MTMR12: variants seen among roughly 807,000 people sequenced by gnomAD.
MTMR12 encodes the protein myotubularin-related protein 12.
MTMR12 carries 33 observed loss-of-function variants against 96.7 expected under a neutral mutation model. The ratio of observed to expected loss-of-function variants is 0.34; its 90% CI spans 0.26 to 0.46. The LOEUF (loss-of-function observed/expected upper bound fraction) is 0.46, where lower values mean the gene tolerates loss of function less well. Among genes scored for constraint, MTMR12 ranks in the 20% least tolerant of loss-of-function variants. The pLI, the probability that MTMR12 is intolerant of heterozygous loss-of-function variation, is 1.00. For missense variants in MTMR12, 721 were observed against 896.1 expected (o/e 0.80, Z 2.49); for synonymous variants, 298 against 327.2 (o/e 0.91, Z 0.96).
Position 32,251,274 on chromosome 5 carries a change from G to A in MTMR12, c.790-2396C>T, listed in dbSNP as rs141357025. On this transcript the variant is annotated intron_variant, in intron 8 of 15. Coordinates refer to ENST00000382142, the MANE Select transcript of MTMR12 (RefSeq NM_001040446.3). ...GTTTCACCGTTTTACCTCGTGATCC[G>A]CCCGCCTCGGCCTCCCAAAGTGCTG... Among the ~76,000 whole-genome samples the A allele has an allele frequency of 4.4e-3, 669 of 151,896 alleles. 8 individuals carry two copies. Among genetic ancestry groups the A allele is most frequent in the African/African-American group, 0.015 (639 of 41,440 alleles).
chr5:32,260,736 G>C (rs1394401048), intron 7 of MTMR12, among the ~76,000 whole-genome samples: 1 of 148,724 alleles, frequency 6.7e-6, no homozygotes, highest in Non-Finnish European at 1.5e-5. Context: ...GGGCGGGGGG[G>C]AGGGGGACCA....
intron 1 of MTMR12, among the ~76,000 whole-genome samples, chr5:32,279,076 C>CAAAAAAAAAAAAAAAAAAAAAAA (rs35999870): frequency 4.0e-5 from 2 of 50,518 alleles, no homozygotes; most frequent in Non-Finnish European, 7.6e-5. Flanking sequence ...AACTCTGTCT[C>CAAAAAAAAAAAAAAAAAAAAAAA]AAAAAAAAAA....
At chr5:32,237,749 A>C (rs945363519) in intron 13 of MTMR12, among the ~76,000 whole-genome samples, 1 of 151,230 alleles carries the variant, frequency 6.6e-6, no homozygotes, top group South Asian at 2.1e-4. Context: ...TGACCTTGTG[A>C]CCCACCTGCC....
rs192086948 is a variant in MTMR12 at position 32,228,980 on chromosome 5, A to C, written c.*798T>G. ...ACGCTCCTCAGGAAGGATCTCAGGCAAAGAAACAGATCCCCGCAGCGTAAC... is the reference window on the plus strand; with the variant it reads ...ACGCTCCTCAGGAAGGATCTCAGGCCAAGAAACAGATCCCCGCAGCGTAAC... On this transcript the variant is annotated 3_prime_UTR_variant, in exon 16 of 16. Coordinates refer to ENST00000382142, the MANE Select transcript of MTMR12 (RefSeq NM_001040446.3). 3 of 152,264 alleles carry C rather than the reference A, an allele frequency of 2.0e-5. No individual in the cohort carries two copies. The highest frequency in any genetic ancestry group is 2.0e-4 in the Admixed American group (3 of 15,284). 9.4% of individuals were successfully genotyped at this position (152,264 alleles called of 1,614,324 possible).
chr5:32,288,163 TG>T (rs1750614018), intron 1 of MTMR12, among the ~76,000 whole-genome samples: 1 of 152,184 alleles, frequency 6.6e-6, no homozygotes, highest in East Asian at 1.9e-4. Flanking sequence ...AAGGCATTCA[TG>T]GGAAAAGAAT....
intron 1 of MTMR12, among the ~76,000 whole-genome samples, chr5:32,278,667 T>C (rs1403664825): frequency 6.6e-6 from 1 of 152,216 alleles, no homozygotes. Flanking sequence ...AGTGCAGGGA[T>C]GCAGGCTGGC....
At chr5:32,268,886 G>T in intron 5 of MTMR12, 92 bp from the exon 6 acceptor site, 1 of 966,972 alleles carries the variant, frequency 1.0e-6, no homozygotes, top group Non-Finnish European at 1.6e-6. Context: ...TCTTAGTCAT[G>T]CCAAAGGGGT....
Position 32,235,184 on chromosome 5 carries a change from T to C in MTMR12, c.1345-55A>G, listed in dbSNP as rs1241249109. 1.9e-6 allele frequency: 3 copies of C among 1,541,926 alleles called. No individual in the cohort carries two copies. In the African/African-American group the frequency reaches 4.1e-5, roughly 21 times the overall value. ...GGGCAGAGCCCAGAGCAAGCCATCC[T>C]GAGTTCAGGGGGCAGCCACCTCAAC... On this transcript the variant is annotated intron_variant, in intron 13 of 15. Coordinates refer to ENST00000382142, the MANE Select transcript of MTMR12 (RefSeq NM_001040446.3).
chr5:32,287,448 AC>A (rs1409272964), intron 1 of MTMR12, among the ~76,000 whole-genome samples: 1 of 152,218 alleles, frequency 6.6e-6, no homozygotes, highest in African/African-American at 2.4e-5. Flanking sequence ...TGAGACTTTG[AC>A]AGGCTCTCCT....
At position 32,296,566 on chromosome 5, in the gene MTMR12, G is replaced by A. The variant is rs915006577; in HGVS notation, c.81+16192C>T. On this transcript the variant is annotated intron_variant, in intron 1 of 15. Coordinates refer to ENST00000382142, the MANE Select transcript of MTMR12 (RefSeq NM_001040446.3). ...TGTAATCCCAGTACTTTGGAAGGGT[G>A]AGGTGGTGGGGGAGTGGGGATTGCT... 14 of 254,130 alleles carry A rather than the reference G, an allele frequency of 5.5e-5. No individual in the cohort carries two copies. In the Middle Eastern group the frequency reaches 1.8e-3, roughly 33 times the overall value. The allele number at this position is 254,130 out of a possible 1,614,324, so 15.7% of individuals were successfully genotyped here.
intron 1 of MTMR12, among the ~76,000 whole-genome samples, chr5:32,306,426 T>C (rs777134544): frequency 2.6e-5 from 4 of 152,208 alleles, no homozygotes; most frequent in African/African-American, 4.8e-5. Context: ...CCCACAGTCA[T>C]ATCTCTGGGA....
intron 14 of MTMR12, 48 bp downstream of exon 14, chr5:32,234,914 G>T (rs760682220): frequency 5.9e-6 from 9 of 1,518,660 alleles, no homozygotes; most frequent in Middle Eastern, 3.9e-4. Flanking sequence ...CATCCTACTT[G>T]TGAGAAGAAG....
intron 1 of MTMR12, among the ~76,000 whole-genome samples, chr5:32,282,233 T>G (rs1195286951): frequency 2.6e-5 from 4 of 151,486 alleles, no homozygotes; most frequent in Non-Finnish European, 5.9e-5. Flanking sequence ...ATACAAAAAA[T>G]TAGCTGGTGA....
At chr5:32,248,921 C>T in intron 8 of MTMR12, 43 bp from the exon 9 acceptor site, 1 of 1,456,900 alleles carries the variant, frequency 6.9e-7, no homozygotes, top group Non-Finnish European at 9.6e-7. Flanking sequence ...ATAAACACAA[C>T]CCAACAGGGG....
At chr5:32,266,987 G>A (rs1749624748) in intron 6 of MTMR12, among the ~76,000 whole-genome samples, 3 of 152,146 alleles carry the variant, frequency 2.0e-5, no homozygotes, top group African/African-American at 7.2e-5. Flanking sequence ...GGCTGAGGCA[G>A]GAGAATTGCT....
At chr5:32,269,326 CTAT>C (rs1196109365) in intron 5 of MTMR12, among the ~76,000 whole-genome samples, 2 of 149,828 alleles carry the variant, frequency 1.3e-5, no homozygotes, top group African/African-American at 2.4e-5. Context: ...CCTGCCCAGC[CTAT>C]TATTATTATT....
chr5:32,269,575 G>A (rs1336299350), intron 5 of MTMR12, among the ~76,000 whole-genome samples: 2 of 152,204 alleles, frequency 1.3e-5, no homozygotes, highest in African/African-American at 2.4e-5. Flanking sequence ...AAAGTGCTGA[G>A]ATTGCAGGCA....
At chr5:32,255,823 G>A in intron 7 of MTMR12, 55 bp from the exon 8 acceptor site, 1 of 1,456,332 alleles carries the variant, frequency 6.9e-7, no homozygotes, top group Non-Finnish European at 9.5e-7. Context: ...CACAAAATAT[G>A]AAAGCTCAAC....
At chr5:32,305,827 C>T (rs533658150) in intron 1 of MTMR12, among the ~76,000 whole-genome samples, 49 of 151,430 alleles carry the variant, frequency 3.2e-4, no homozygotes, top group African/African-American at 1.1e-3. Flanking sequence ...TGCTTGAACC[C>T]GGGAGGCGGA....
Sources: allele counts gnomAD v4.1 joint callset (sites outside exome capture counted in the v4.1 genomes callset), GRCh38; gene constraint gnomAD v4.1.1; transcripts MANE v1.5; gene names NCBI Gene and HGNC (gene_info 2026-07-23, HGNC 2026-07-21).